The following CRPPA variants were observed in gnomAD, a reference collection of about 807,000 sequenced individuals.
The protein encoded by CRPPA is D-ribitol-5-phosphate cytidylyltransferase.
A neutral mutation model predicts 52.0 loss-of-function variants in CRPPA; 43 were observed. The ratio of observed to expected loss-of-function variants is 0.83; its 90% CI spans 0.65 to 1.07. CRPPA has a LOEUF of 1.07. Among genes scored for constraint, CRPPA ranks in the 50% least tolerant of loss-of-function variants. CRPPA has a pLI of 0.00. For missense variants in CRPPA, 629 were observed against 551.7 expected (o/e 1.14, Z -1.40); for synonymous variants, 250 against 203.5 (o/e 1.23, Z -1.94).
chr7:16,300,233 G>T lies in CRPPA; in HGVS notation c.835+1188C>A, dbSNP rs73684127. On this transcript the variant is annotated intron_variant, in intron 5 of 9. Coordinates refer to ENST00000407010, the MANE Select transcript of CRPPA (RefSeq NM_001101426.4). ...CAACAAATACATTGTCATGATCAGA[G>T]AAAAGATTTTCATTTTCTGAATGTG... Among the ~76,000 whole-genome samples, 413 of 152,292 alleles carry T rather than the reference G, an allele frequency of 2.7e-3. 1 individual carries two copies. Among genetic ancestry groups the T allele is most frequent in the African/African-American group, 9.4e-3 (390 of 41,570 alleles).
rs142623641 is a variant in CRPPA, at chr7:16,117,868, T to G, written c.1252-26069A>C. ...CCTTGCTCCTCCAAATATGCAACAT[T>G]GCACTTGTGTTATTGTAACTTACTT... On this transcript the variant is annotated intron_variant, in intron 9 of 9. Coordinates refer to ENST00000407010, the MANE Select transcript of CRPPA (RefSeq NM_001101426.4). Among the ~76,000 whole-genome samples, 326 of 152,340 alleles carry G rather than the reference T, an allele frequency of 2.1e-3. 1 individual carries two copies. The highest frequency in any genetic ancestry group is 0.01 in the Middle Eastern group (3 of 294).
intron 3 of CRPPA, among the ~76,000 whole-genome samples, chr7:16,352,466 CAA>C (rs1343734638): frequency 1.3e-5 from 2 of 151,464 alleles, no homozygotes; most frequent in African/African-American, 4.8e-5. Flanking sequence ...AGACATTTTT[CAA>C]AAGACATACA....
chr7:16,266,354 A>T (rs1783952041), intron 6 of CRPPA: 1 of 152,172 alleles, frequency 6.6e-6, no homozygotes, highest in South Asian at 2.1e-4. Context: ...GTTAAAACTC[A>T]TGTTGAAAGC....
In CRPPA at chr7:16,174,951, C is replaced by G. The variant is rs139672799; in HGVS notation, c.1251+41115G>C. Reference sequence around the variant, plus strand: ...CAGATATTTCCACACATTATTTTCACCAACTAGAAGATATACCTCAGGTCT... The same window carrying G: ...CAGATATTTCCACACATTATTTTCAGCAACTAGAAGATATACCTCAGGTCT... On this transcript the variant is annotated intron_variant, in intron 9 of 9. Transcript: ENST00000407010. Among the ~76,000 whole-genome samples, 4 of 152,214 alleles carry G rather than the reference C, an allele frequency of 2.6e-5. No individual in the cohort carries two copies. In the East Asian group the frequency reaches 5.8e-4, roughly 22 times the overall value.
intron 8 of CRPPA, among the ~76,000 whole-genome samples, chr7:16,258,170 A>G (rs1321208232): frequency 6.6e-6 from 1 of 152,150 alleles, no homozygotes; most frequent in Non-Finnish European, 1.5e-5. Flanking sequence ...GCTGGGTTGA[A>G]AAAGATTTCC....
intron 9 of CRPPA, among the ~76,000 whole-genome samples, chr7:16,205,395 T>C (rs1368731540): frequency 6.6e-6 from 1 of 152,120 alleles, no homozygotes; most frequent in East Asian, 1.9e-4. Context: ...CTGTAAAAAA[T>C]ACGAATGAGA....
At chr7:16,371,795 A>G (rs1786755660) in intron 3 of CRPPA, among the ~76,000 whole-genome samples, 1 of 152,238 alleles carries the variant, frequency 6.6e-6, no homozygotes, top group East Asian at 1.9e-4. Flanking sequence ...GTGAAAAACA[A>G]CTTAAAGACT....
At chr7:16,286,064 T>TTTAAAAAAAAAAAAAAAA (rs1562608509) in intron 5 of CRPPA, among the ~76,000 whole-genome samples, 1 of 29,770 alleles carries the variant, frequency 3.4e-5, no homozygotes, top group Non-Finnish European at 5.9e-5. Context: ...TATATATATA[T>TTTAAAAAAAAAAAAAAAA]ATATATATAT....
chr7:16,404,834 G>T (rs1157907884), intron 2 of CRPPA, among the ~76,000 whole-genome samples: 3 of 152,084 alleles, frequency 2.0e-5, no homozygotes, highest in African/African-American at 7.2e-5. Flanking sequence ...AGGAGTCAAG[G>T]GGGAAGCACA....
chr7:16,329,221 G>A (rs1239084554), intron 3 of CRPPA, among the ~76,000 whole-genome samples: 1 of 152,164 alleles, frequency 6.6e-6, no homozygotes, highest in Admixed American at 6.5e-5. Context: ...GGTGGCAATA[G>A]GAGCTAAGAT....
At chr7:16,305,285 C>A (rs112911390) in intron 4 of CRPPA, among the ~76,000 whole-genome samples, 73 of 152,194 alleles carry the variant, frequency 4.8e-4, no homozygotes, top group African/African-American at 1.7e-3. Flanking sequence ...CCTCAGTTAA[C>A]AGGGAAAAAA....
At chr7:16,399,794 C>G (rs543191604) in intron 2 of CRPPA, among the ~76,000 whole-genome samples, 37 of 152,256 alleles carry the variant, frequency 2.4e-4, no homozygotes, top group Non-Finnish European at 4.7e-4. Context: ...GGCACGTGAC[C>G]AACACGTGAC....
At chr7:16,276,364 T>A (rs1784204318) in intron 6 of CRPPA, among the ~76,000 whole-genome samples, 1 of 152,164 alleles carries the variant, frequency 6.6e-6, no homozygotes, top group Non-Finnish European at 1.5e-5. Context: ...AAAACTGTAG[T>A]AAAACAAATG....
At chr7:16,189,382 A>T (rs916723871) in intron 9 of CRPPA, among the ~76,000 whole-genome samples, 12 of 152,204 alleles carry the variant, frequency 7.9e-5, no homozygotes, top group African/African-American at 2.9e-4. Context: ...CACAAGAAAA[A>T]TTCAGAATGT....
At chr7:16,389,220 A>G (rs1456247041) in intron 2 of CRPPA, among the ~76,000 whole-genome samples, 1 of 152,222 alleles carries the variant, frequency 6.6e-6, no homozygotes, top group Non-Finnish European at 1.5e-5. Context: ...CTTGTCCAAA[A>G]AATAGAGAAT....
intron 9 of CRPPA, among the ~76,000 whole-genome samples, chr7:16,180,824 C>T (rs567132442): frequency 1.2e-4 from 19 of 152,042 alleles, no homozygotes; most frequent in Admixed American, 3.3e-4. Flanking sequence ...AAGTCAAAAT[C>T]GAAACATTCA....
At chr7:16,368,810 C>A (rs1239167471) in intron 3 of CRPPA, among the ~76,000 whole-genome samples, 1 of 152,156 alleles carries the variant, frequency 6.6e-6, no homozygotes, top group Non-Finnish European at 1.5e-5. Flanking sequence ...ACCAACCTTA[C>A]ACACGGATCT....
intron 9 of CRPPA, among the ~76,000 whole-genome samples, chr7:16,136,580 T>C (rs1444015783): frequency 1.3e-5 from 2 of 152,192 alleles, no homozygotes; most frequent in African/African-American, 4.8e-5. Flanking sequence ...AGAGTTACAA[T>C]ACAAATTATT....
chr7:16,101,364 T>C (rs1782040952), intron 9 of CRPPA, among the ~76,000 whole-genome samples: 1 of 151,286 alleles, frequency 6.6e-6, no homozygotes, highest in South Asian at 2.1e-4. Context: ...ACTTCCTGGT[T>C]AGTTTAGTCT....
Sources: allele counts gnomAD v4.1 joint callset (sites outside exome capture counted in the v4.1 genomes callset), GRCh38; gene constraint gnomAD v4.1.1; transcripts MANE v1.5; gene names NCBI Gene and HGNC (gene_info 2026-07-23, HGNC 2026-07-21).